The following ELAC2 variants were observed in gnomAD, a reference collection of about 807,000 sequenced individuals.
ELAC2 encodes elaC ribonuclease Z 2, also known as zinc phosphodiesterase ELAC protein 2.
A neutral mutation model predicts 105.2 loss-of-function variants in ELAC2; 92 were observed. The observed-to-expected ratio is 0.87, with a 90% CI of 0.74 to 1.04. The LOEUF (loss-of-function observed/expected upper bound fraction) is 1.04. ELAC2 is among the 50% of genes least tolerant of loss of function. The pLI is 0.00. For missense variants in ELAC2, 1,099 were observed against 1,071.7 expected (o/e 1.03, Z -0.36); for synonymous variants, 468 against 409.1 (o/e 1.14, Z -1.74).
rs2040229875 is a variant in ELAC2, at chr17:12,992,423, C to CTAT, written c.*392_*394dup. On this transcript the variant is annotated 3_prime_UTR_variant, in exon 24 of 24. Coordinates refer to ENST00000338034, the MANE Select transcript of ELAC2 (RefSeq NM_018127.7). ...CTCAATCTTTATTGCAGCTGAAATA[C>CTAT]TATTTTCGTTAAGTCTCGGACACTT... The CTAT allele has an allele frequency of 1.1e-5, 4 of 371,132 alleles. No homozygotes were observed. Among genetic ancestry groups the CTAT allele is most frequent in the Non-Finnish European group, 2.0e-5 (4 of 199,188 alleles). The allele number at this position is 371,132 out of a possible 1,614,324, so 23.0% of individuals were successfully genotyped here.
At chr17:13,009,582 T>C (rs2041296351) in intron 8 of ELAC2, among the ~76,000 whole-genome samples, 1 of 150,444 alleles carries the variant, frequency 6.6e-6, no homozygotes, top group Admixed American at 6.6e-5. Flanking sequence ...GGGAATGAAA[T>C]AAAGTAAAAC....
Position 13,015,765 on chromosome 17 carries a change from C to T in ELAC2, c.432+3G>A, listed in dbSNP as rs1676198147. 6.2e-7 allele frequency: 1 copy of T among 1,612,414 alleles called. No individual in the cohort carries two copies. The highest frequency in any genetic ancestry group is 8.5e-7 in the Non-Finnish European group (1 of 1,178,512). On this transcript the variant is annotated splice_donor_region_variant and intron_variant, in intron 4 of 23. Transcript: ENST00000338034. ...TTTGAAAGATGTGTCAGGAAAGACT[C>T]ACCAGTTGTGGAGGTCCAGAAAGTA...
In ELAC2 at chr17:13,016,917, G is replaced by C. The variant is rs2041763393; in HGVS notation, c.312C>G (p.Arg104=). The C allele has an allele frequency of 6.2e-7, 1 of 1,614,046 alleles. No individual in the cohort carries two copies. Residue 104 remains arginine, a synonymous_variant, in exon 3 of 24, where the codon CGC becomes CGG. Transcript: ENST00000338034. ...TTCGTGTCAGGAATATGTTGTCCAGGCGAGCAACCTTTAACCTAAGAATGA... is the reference window on the plus strand; with the variant it reads ...TTCGTGTCAGGAATATGTTGTCCAGCCGAGCAACCTTTAACCTAAGAATGA... ...LMQEHKLKVA[R]LDNIFLTRMH... is the part of the protein sequence containing the mutation.
At position 12,998,464 on chromosome 17, in the gene ELAC2, A is replaced by C. The variant is rs149210630; in HGVS notation, c.1468T>G (p.Ser490Ala). 1.6e-4 allele frequency: 260 copies of C among 1,614,070 alleles called. 1 individual carries two copies. Among genetic ancestry groups the C allele is most frequent in the Admixed American group, 5.0e-5 (3 of 60,004 alleles). ...TTTCGAATCTTCATCGGGATGGCAGACCCTGTTCCAAGGAAGATGATTTCT... is the reference window on the plus strand; with the variant it reads ...TTTCGAATCTTCATCGGGATGGCAGCCCCTGTTCCAAGGAAGATGATTTCT... ...YPEIIFLGTG[S>A]AIPMKIRNVS... The change falls in exon 16 of 24, where the codon TCT becomes GCT. Residue 490 changes from serine to alanine, a missense_variant. Physicochemically the swap from Ser to Ala is moderately conservative, Grantham distance 99 (BLOSUM62 1). Coordinates refer to ENST00000338034, the MANE Select transcript of ELAC2 (RefSeq NM_018127.7).
In ELAC2 at chr17:13,002,336, C is replaced by T. The variant is rs374895815; in HGVS notation, c.1242G>A (p.Val414=). Residue 414 remains valine (V), a synonymous_variant, in exon 14 of 24, where the codon GTG becomes GTA. Coordinates refer to ENST00000338034, the MANE Select transcript of ELAC2 (RefSeq NM_018127.7). ...RCKKEGPTLS[V]PMVQGECLLK... is the part of the protein sequence containing the mutation. ...GGAGGCATTCACCCTGAACCATGGGCACACTGAGGGTGGGGCCCTCCTTCT... is the reference window on the plus strand; with the variant it reads ...GGAGGCATTCACCCTGAACCATGGGTACACTGAGGGTGGGGCCCTCCTTCT... 1.2e-6 allele frequency: 2 copies of T among 1,614,220 alleles called. No individual in the cohort carries two copies. The highest frequency in any genetic ancestry group is 3.3e-5 in the Admixed American group (2 of 60,028).
At chr17:13,006,107 A>C (rs1598240339) in intron 8 of ELAC2, 128 bp from the exon 9 acceptor site, 2 of 972,690 alleles carry the variant, frequency 2.1e-6, no homozygotes, top group East Asian at 5.2e-5. Flanking sequence ...ACGGTGGCTC[A>C]CGCCTGTAAT....
In ELAC2 at chr17:12,992,687, C is replaced by T; in HGVS notation, c.*131G>A. On this transcript the variant is annotated 3_prime_UTR_variant, in exon 24 of 24. Transcript: ENST00000338034. ...TGGGAGCCCAAGCCTCGGCACAGCT[C>T]CATACCACCTATCCTGAGCTGCCTC... 1 of 1,102,274 alleles carries T rather than the reference C, an allele frequency of 9.1e-7. No individual in the cohort carries two copies. 68.3% of individuals were successfully genotyped at this position (1,102,274 alleles called of 1,614,324 possible).
At chr17:13,004,470 T>C (rs746701495) in intron 11 of ELAC2, among the ~76,000 whole-genome samples, 15 of 152,128 alleles carry the variant, frequency 9.9e-5, no homozygotes, top group Non-Finnish European at 4.4e-5. Context: ...GATGATTCCA[T>C]CTGGAATGAA....
At chr17:13,003,597 A>G in intron 11 of ELAC2, 23 bp from the exon 12 acceptor site, 2 of 1,607,292 alleles carry the variant, frequency 1.2e-6, no homozygotes, top group Non-Finnish European at 1.7e-6. Context: ...GTGGGGCTTT[A>G]CAAAGTGATG....
chr17:12,993,562 A>AG, intron 23 of ELAC2, 125 bp downstream of exon 23: 2 of 1,423,002 alleles, frequency 1.4e-6, no homozygotes. Context: ...AGTGATGGGT[A>AG]GATAACCTTT....
intron 22 of ELAC2, 117 bp downstream of exon 22, chr17:12,994,308 G>T: frequency 8.6e-7 from 1 of 1,169,342 alleles, no homozygotes; most frequent in Non-Finnish European, 1.3e-6. Context: ...AGCCCCCATA[G>T]CCCTTGATAG....
At chr17:13,011,297 T>C (rs539477459) in intron 7 of ELAC2, among the ~76,000 whole-genome samples, 1 of 152,368 alleles carries the variant, frequency 6.6e-6, no homozygotes, top group East Asian at 1.9e-4. Context: ...TTTGACTGTC[T>C]CATTGGCTTA....
rs1405045558 is a variant in ELAC2 at position 13,013,414 on chromosome 17, A to G, written c.491-139T>C. The G allele has an allele frequency of 4.5e-6, 4 of 895,748 alleles. No homozygotes were observed. The Admixed American group carries it at 8.0e-5, about 18-fold the overall frequency. 55.5% of individuals were successfully genotyped at this position (895,748 alleles called of 1,614,324 possible). A position where few individuals can be genotyped will look rare whatever the true frequency, so the allele number is the denominator to read the frequency against. On this transcript the variant is annotated intron_variant, in intron 5 of 23. Coordinates refer to ENST00000338034, the MANE Select transcript of ELAC2 (RefSeq NM_018127.7). ...ATCTGACACGAAAACCAGACTTTCT[A>G]AGGAGATTACCATTTTTAGGAAATA...
At chr17:12,998,639 A>G in intron 15 of ELAC2, 131 bp from the exon 16 acceptor site, 1 of 882,612 alleles carries the variant, frequency 1.1e-6, no homozygotes. Flanking sequence ...CGTGCTCCCT[A>G]GTATGGCGGT....
At chr17:13,009,799 G>A (rs1227866219) in intron 8 of ELAC2, among the ~76,000 whole-genome samples, 1 of 152,126 alleles carries the variant, frequency 6.6e-6, no homozygotes, top group Non-Finnish European at 1.5e-5. Context: ...AACCAGCCTG[G>A]CCAACATGGT....
rs1183289833 is a variant in ELAC2 at position 13,011,715 on chromosome 17, T to C, written c.627A>G (p.Pro209=). Residue 209 remains proline, a synonymous_variant, in exon 7 of 24, where the codon CCA becomes CCG. Transcript: ENST00000338034. ...TCGACTCGGAGTCTGAAGATCGCTC[T>C]GGACTGAGCCTGCTGAGAGGCCTTT... The part of the protein sequence containing the change: ...SPERPLSRLS[P]ERSSDSESNE... 1.9e-6 allele frequency: 3 copies of C among 1,614,098 alleles called. No homozygotes were observed. Among genetic ancestry groups the C allele is most frequent in the African/African-American group, 2.7e-5 (2 of 74,930 alleles).
chr17:13,003,418 A>G, intron 12 of ELAC2, 61 bp downstream of exon 12: 2 of 1,474,046 alleles, frequency 1.4e-6, no homozygotes, highest in Non-Finnish European at 1.9e-6. Context: ...GAGGGGAGGA[A>G]AGGGGAATCC....
At chr17:12,995,912 CAG>C (rs1441485405) in intron 18 of ELAC2, 26 bp downstream of exon 18, 23 of 1,588,376 alleles carry the variant, frequency 1.4e-5, no homozygotes, top group Middle Eastern at 1.6e-4. Context: ...CGCTGAAACT[CAG>C]AACGCCCATC....
In ELAC2 at chr17:13,002,465, G is replaced by A. The variant is rs748492569; in HGVS notation, c.1194C>T (p.Pro398=). 1.9e-6 allele frequency: 3 copies of A among 1,611,320 alleles called. No individual in the cohort carries two copies. The highest frequency in any genetic ancestry group is 2.2e-5 in the South Asian group (2 of 90,588). The change falls in exon 13 of 24, where the codon CCC becomes CCT. Residue 398 remains proline, a synonymous_variant. Coordinates refer to ENST00000338034, the MANE Select transcript of ELAC2 (RefSeq NM_018127.7). ...CCTTACAGCGGAAACTGGTGAGCAGGGGGAAGATGTCCGGGTGGATGAGGT... is the reference window on the plus strand; with the variant it reads ...CCTTACAGCGGAAACTGGTGAGCAGAGGGAAGATGTCCGGGTGGATGAGGT... ...QLNLIHPDIF[P]LLTSFRCKKE... is the part of the protein sequence containing the mutation.
Sources: gnomAD v4.1 joint callset for allele counts (sites outside exome capture counted in the v4.1 genomes callset) on GRCh38, gnomAD v4.1.1 for gene constraint, MANE v1.5 for transcripts, NCBI Gene and HGNC (gene_info 2026-07-23, HGNC 2026-07-21) for gene names.